FAM13C: variants seen among roughly 807,000 people sequenced by gnomAD.
The protein encoded by FAM13C is family with sequence similarity 13 member C.
Under a neutral mutation model 73.2 loss-of-function variants are expected in FAM13C, and 37 were observed. The observed-to-expected ratio is 0.51, with a 90% CI of 0.39 to 0.67. The LOEUF is 0.67. Ranked by LOEUF, FAM13C falls within the 30% of genes least tolerant of loss-of-function variation. FAM13C has a pLI of 0.00. For missense variants in FAM13C, 589 were observed against 715.6 expected, an observed-to-expected ratio of 0.82 and a Z score of 2.02; for synonymous variants, 246 against 260.9, an observed-to-expected ratio of 0.94 and a Z score of 0.55.
chr10:59,255,875 C>A (rs971308537), intron 10 of FAM13C, among the ~76,000 whole-genome samples: 42 of 152,060 alleles, frequency 2.8e-4, no homozygotes, highest in African/African-American at 9.9e-4. Context: ...ATAAAGGATT[C>A]TTGAGGAGAG....
chr10:59,283,093 A>T (rs145413975), intron 6 of FAM13C, among the ~76,000 whole-genome samples: 2 of 152,328 alleles, frequency 1.3e-5, no homozygotes, highest in Admixed American at 6.5e-5. Context: ...TGAAGACTAG[A>T]TGTTGTGATG....
intron 8 of FAM13C, among the ~76,000 whole-genome samples, chr10:59,268,201 A>G (rs1843285591): frequency 1.3e-5 from 2 of 149,702 alleles, no homozygotes; most frequent in African/African-American, 2.5e-5. Context: ...CAATTGAGAA[A>G]AAGTGAAAAA....
At chr10:59,332,909 T>C (rs1589654742) in intron 3 of FAM13C, among the ~76,000 whole-genome samples, 2 of 152,210 alleles carry the variant, frequency 1.3e-5, no homozygotes, top group African/African-American at 2.4e-5. Flanking sequence ...GTGAATTATT[T>C]TGGCTTCAAA....
intron 3 of FAM13C, among the ~76,000 whole-genome samples, chr10:59,332,214 G>A (rs562330401): frequency 6.6e-6 from 1 of 152,002 alleles, no homozygotes; most frequent in African/African-American, 2.4e-5. Context: ...AGAGGTGGAG[G>A]GGTAGATCAA....
intron 6 of FAM13C, chr10:59,270,405 A>T: frequency 3.1e-6 from 1 of 318,174 alleles, no homozygotes; most frequent in Non-Finnish European, 5.9e-6. Context: ...CATTATTTGC[A>T]TAAGTCAGAG....
At chr10:59,331,145 GA>G (rs1408834665) in intron 3 of FAM13C, among the ~76,000 whole-genome samples, 2 of 152,190 alleles carry the variant, frequency 1.3e-5, no homozygotes, top group African/African-American at 2.4e-5. Context: ...GGTGGTGGGG[GA>G]TGGAAGAGGT....
At chr10:59,248,004 G>A (rs1046983273) in intron 13 of FAM13C, among the ~76,000 whole-genome samples, 1 of 152,090 alleles carries the variant, frequency 6.6e-6, no homozygotes, top group African/African-American at 2.4e-5. Context: ...AAAGGGGTCA[G>A]TGAAAAGATC....
At chr10:59,347,073 C>A (rs1303133621) in intron 3 of FAM13C, among the ~76,000 whole-genome samples, 1 of 151,982 alleles carries the variant, frequency 6.6e-6, no homozygotes, top group Admixed American at 6.6e-5. Context: ...TTTTGCAAAG[C>A]CTATTGTCTA....
At chr10:59,312,535 A>G (rs950678184) in intron 4 of FAM13C, among the ~76,000 whole-genome samples, 4 of 152,160 alleles carry the variant, frequency 2.6e-5, no homozygotes, top group Admixed American at 6.5e-5. Flanking sequence ...TTTAATGTCA[A>G]TCTGAGTCTG....
intron 4 of FAM13C, chr10:59,323,435 C>T (rs935148255): frequency 1.3e-5 from 2 of 157,374 alleles, no homozygotes; most frequent in Admixed American, 6.0e-5. Flanking sequence ...GGAAGACACT[C>T]GGGTCAGCAC....
At position 59,247,709 on chromosome 10, in the gene FAM13C, T is replaced by C. The variant is rs1346067606; in HGVS notation, c.1663A>G (p.Met555Val). The C allele has an allele frequency of 6.2e-7, 1 of 1,613,040 alleles. No individual in the cohort carries two copies. Among genetic ancestry groups the C allele is most frequent in the Admixed American group, 1.7e-5 (1 of 59,972 alleles). The change falls in exon 14 of 14, where the codon ATG becomes GTG. Residue 555 changes from methionine to valine, a missense_variant. Physicochemically the swap from Met to Val is conservative, Grantham distance 21 (BLOSUM62 1). Coordinates refer to ENST00000618804, the MANE Select transcript of FAM13C (RefSeq NM_198215.4). ...TTATATTCATAATACTCATCTGCCATTGGTATCCTATCTTCCTTTTGTGGA... is the reference window on the plus strand; with the variant it reads ...TTATATTCATAATACTCATCTGCCACTGGTATCCTATCTTCCTTTTGTGGA... ...RSPQKEDRIP[M>V]ADEYYEYKHI...
At chr10:59,252,424 CAACTT>C (rs1291340873) in intron 12 of FAM13C, among the ~76,000 whole-genome samples, 1 of 151,956 alleles carries the variant, frequency 6.6e-6, no homozygotes, top group Non-Finnish European at 1.5e-5. Context: ...ACACTTCTGT[CAACTT>C]AAATTAAATT....
chr10:59,301,727 A>G (rs394480), intron 5 of FAM13C, among the ~76,000 whole-genome samples: 116,377 of 152,160 alleles, frequency 0.76, 44,656 homozygotes, highest in Middle Eastern at 0.81. Context: ...TTTCTCTTAA[A>G]CTCTTTTTCA....
intron 4 of FAM13C, among the ~76,000 whole-genome samples, chr10:59,307,477 C>A (rs1848392184): frequency 6.6e-6 from 1 of 152,184 alleles, no homozygotes; most frequent in South Asian, 2.1e-4. Flanking sequence ...ATTTAATCAT[C>A]AAGGTCATCA....
chr10:59,268,313 A>C (rs940342057), intron 8 of FAM13C, among the ~76,000 whole-genome samples: 1 of 152,210 alleles, frequency 6.6e-6, no homozygotes, highest in Non-Finnish European at 1.5e-5. Context: ...TCAATAATCA[A>C]ATAAGTTTGG....
chr10:59,334,068 G>GT (rs755800271), intron 3 of FAM13C, among the ~76,000 whole-genome samples: 40 of 151,996 alleles, frequency 2.6e-4, no homozygotes, highest in Admixed American at 9.2e-4. Flanking sequence ...ATTTTGTTTT[G>GT]TTTTTTTTCT....
chr10:59,357,128 C>A (rs754730199), intron 1 of FAM13C, among the ~76,000 whole-genome samples: 2 of 152,158 alleles, frequency 1.3e-5, no homozygotes, highest in Admixed American at 1.3e-4. Context: ...AGCTTGCAGA[C>A]GGACTATTGT....
intron 3 of FAM13C, among the ~76,000 whole-genome samples, chr10:59,331,750 C>T (rs893832484): frequency 6.6e-6 from 1 of 152,052 alleles, no homozygotes; most frequent in Admixed American, 6.6e-5. Flanking sequence ...TGGAGAATAA[C>T]AAATTAGCTA....
intron 8 of FAM13C, among the ~76,000 whole-genome samples, chr10:59,267,342 C>T (rs1315866756): frequency 2.0e-5 from 3 of 152,192 alleles, no homozygotes; most frequent in Non-Finnish European, 2.9e-5. Context: ...AATCCACTGA[C>T]CCAAGTTGCG....
Sources: gnomAD v4.1 joint callset for allele counts (sites outside exome capture counted in the v4.1 genomes callset) on GRCh38, gnomAD v4.1.1 for gene constraint, MANE v1.5 for transcripts, NCBI Gene and HGNC (gene_info 2026-07-23, HGNC 2026-07-21) for gene names.